PLEKHF2: variants seen among roughly 807,000 people sequenced by gnomAD.
PLEKHF2 encodes pleckstrin homology and FYVE domain containing 2, also known as pleckstrin homology domain-containing family F member 2.
A neutral mutation model predicts 14.7 loss-of-function variants in PLEKHF2; 4 were observed. The ratio of observed to expected loss-of-function variants is 0.27; its 90% confidence interval spans 0.13 to 0.62. The LOEUF (loss-of-function observed/expected upper bound fraction) is 0.62. Ranked by LOEUF, PLEKHF2 falls within the 20% of genes least tolerant of loss-of-function variation. PLEKHF2 has a pLI of 0.85. For synonymous variants in PLEKHF2, 90 were observed against 103.5 expected, an observed-to-expected ratio of 0.87 and a Z score of 0.79; for missense variants, 201 against 307.7, an observed-to-expected ratio of 0.65 and a Z score of 2.60.
chr8:95,152,415 C>A (rs73264571), intron 1 of PLEKHF2, among the ~76,000 whole-genome samples: 6,596 of 152,076 alleles, frequency 0.043, 232 homozygotes, highest in Middle Eastern at 0.12. Flanking sequence ...TTCCCTATAC[C>A]TTTATGAGTA....
intron 1 of PLEKHF2, among the ~76,000 whole-genome samples, chr8:95,148,508 A>G (rs1810524975): frequency 6.6e-6 from 1 of 152,102 alleles, no homozygotes. Context: ...AAACAGATTA[A>G]TGGATTAAAG....
intron 1 of PLEKHF2, among the ~76,000 whole-genome samples, chr8:95,148,021 T>C (rs1308099344): frequency 6.6e-6 from 1 of 151,872 alleles, no homozygotes; most frequent in Non-Finnish European, 1.5e-5. Context: ...TGAGTTTTTT[T>C]CAAACTCAAG....
chr8:95,155,007 TATATC>T lies in PLEKHF2; in HGVS notation c.*215_*219del, dbSNP rs150535406. ...TTCTACAGGGATAGGCTTTTGCAAA[TATATC>T]AGATAAATTTTTTGTTTCTTGTTTA... On this transcript the variant is annotated 3_prime_UTR_variant, in exon 2 of 2. Coordinates refer to ENST00000315367, the MANE Select transcript of PLEKHF2 (RefSeq NM_024613.4). 1,159 of 513,912 alleles carry T rather than the reference TATATC, an allele frequency of 2.3e-3. 14 individuals are homozygous for T. Among genetic ancestry groups the T allele is most frequent in the African/African-American group, 0.02 (1,068 of 52,414 alleles). 31.8% of individuals were successfully genotyped at this position (513,912 alleles called of 1,614,324 possible).
chr8:95,138,955 T>A (rs570110847), intron 1 of PLEKHF2, among the ~76,000 whole-genome samples: 43 of 152,368 alleles, frequency 2.8e-4, no homozygotes, highest in Admixed American at 4.6e-4. Context: ...TTCTAAAGCA[T>A]TTCTATTGCC....
chr8:95,142,531 G>A (rs2132106644), intron 1 of PLEKHF2, among the ~76,000 whole-genome samples: 1 of 152,302 alleles, frequency 6.6e-6, no homozygotes, highest in East Asian at 1.9e-4. Flanking sequence ...CTGGATTACA[G>A]GCTTGTGCCA....
At chr8:95,148,602 A>G (rs1166165091) in intron 1 of PLEKHF2, among the ~76,000 whole-genome samples, 1 of 152,078 alleles carries the variant, frequency 6.6e-6, no homozygotes, top group East Asian at 1.9e-4. Context: ...TACTAACAGC[A>G]TTAATGCAAG....
At chr8:95,138,963 G>A (rs78664716) in intron 1 of PLEKHF2, among the ~76,000 whole-genome samples, 364 of 152,212 alleles carry the variant, frequency 2.4e-3, no homozygotes, top group Non-Finnish European at 3.9e-3. Context: ...CATTTCTATT[G>A]CCAAAATGGC....
intron 1 of PLEKHF2, among the ~76,000 whole-genome samples, chr8:95,137,156 G>C (rs574692738): frequency 1.3e-5 from 2 of 152,342 alleles, no homozygotes; most frequent in East Asian, 3.8e-4. Flanking sequence ...CTTCACTTCT[G>C]TAAGCTTCAC....
rs562449470 is a variant in PLEKHF2, at chr8:95,149,296, A to G, written c.-14-4735A>G. 1.5e-4 allele frequency among the ~76,000 whole-genome samples: 23 copies of G among 152,216 alleles called. No individual in the cohort carries two copies. The South Asian group carries it at 4.6e-3, about 30-fold the overall frequency. The stretch of plus-strand genomic sequence containing the variant: ...TCAGTGAGGCCTTTTTGTACTACTC[A>G]GTCTAAATGAGTTTTCCCCTGTATC... On this transcript the variant is annotated intron_variant, in intron 1 of 1. Transcript: ENST00000315367.
chr8:95,147,927 A>G (rs1810516809), intron 1 of PLEKHF2, among the ~76,000 whole-genome samples: 1 of 152,030 alleles, frequency 6.6e-6, no homozygotes, highest in African/African-American at 2.4e-5. Flanking sequence ...ATAAATGCAA[A>G]GAAACAACAC....
chr8:95,149,429 G>T (rs527839182), intron 1 of PLEKHF2, among the ~76,000 whole-genome samples: 2 of 152,146 alleles, frequency 1.3e-5, no homozygotes, highest in African/African-American at 4.8e-5. Flanking sequence ...GAAGAAAAGC[G>T]TAATACCCAG....
At position 95,155,538 on chromosome 8, in the gene PLEKHF2, A is replaced by AAT. The variant is rs1810609454; in HGVS notation, c.*751_*752dup. On this transcript the variant is annotated 3_prime_UTR_variant, in exon 2 of 2. Transcript: ENST00000315367. ...TATAGGTCCCAAATTATAATTGTCA[A>AAT]ATATATATTTTAAATTAATAAAAGT... is the stretch of plus-strand genomic sequence containing the variant. The AAT allele has an allele frequency of 6.0e-6, 1 of 167,024 alleles. No individual in the cohort carries two copies. Among genetic ancestry groups the AAT allele is most frequent in the Non-Finnish European group, 1.5e-5 (1 of 68,092 alleles). 10.3% of individuals were successfully genotyped at this position (167,024 alleles called of 1,614,324 possible).
Position 95,154,407 on chromosome 8 carries a change from A to G in PLEKHF2, c.363A>G (p.Glu121=). 2 of 1,614,152 alleles carry G rather than the reference A, an allele frequency of 1.2e-6. No individual in the cohort carries two copies. The highest frequency in any genetic ancestry group is 3.3e-4 in the Middle Eastern group (2 of 6,062). ...CTGCCACTGCTACGGAGAAATCAGA[A>G]TGGATGAATCATATAAATAAATGTG... is the stretch of plus-strand genomic sequence containing the variant. ...VYAATATEKS[E]WMNHINKCVT... is the part of the protein sequence containing the mutation. The change falls in exon 2 of 2, where the codon GAA becomes GAG. Residue 121 remains glutamate (E), a synonymous_variant. Transcript: ENST00000315367. This position sits in a 1 kb window ranked among gnomAD's most constrained non-coding sequence, Gnocchi z 5.6.
chr8:95,135,852 C>CT (rs1221747508), intron 1 of PLEKHF2, among the ~76,000 whole-genome samples: 1 of 152,092 alleles, frequency 6.6e-6, no homozygotes, highest in Non-Finnish European at 1.5e-5. Context: ...CTCGTTTGCT[C>CT]TTATCACTGC....
intron 1 of PLEKHF2, among the ~76,000 whole-genome samples, chr8:95,146,917 A>G (rs1441742465): frequency 6.6e-6 from 1 of 152,100 alleles, no homozygotes; most frequent in Non-Finnish European, 1.5e-5. Context: ...AACAGTTTCA[A>G]CTAATTAGAA....
Position 95,154,601 on chromosome 8 carries a change from G to C in PLEKHF2, c.557G>C (p.Cys186Ser), listed in dbSNP as rs749430091. 1 of 1,614,116 alleles carries C rather than the reference G, an allele frequency of 6.2e-7. No homozygotes were observed. The highest frequency in any genetic ancestry group is 8.5e-7 in the Non-Finnish European group (1 of 1,180,010). ...RKCGFVVCGP[C>S]SEKRFLLPSQ... ...TGTGGTTTTGTTGTCTGTGGGCCCT[G>C]CTCTGAAAAGAGATTTCTTCTTCCC... Residue 186 changes from cysteine to serine, a missense_variant, in exon 2 of 2, where the codon TGC becomes TCC. Cys to Ser is a moderately radical substitution (Grantham distance 112, BLOSUM62 -1). Transcript: ENST00000315367. The surrounding 1 kb of genome is among the most constrained non-coding windows in gnomAD (Gnocchi z 5.6).
At chr8:95,142,247 T>C (rs915940615) in intron 1 of PLEKHF2, among the ~76,000 whole-genome samples, 1 of 152,158 alleles carries the variant, frequency 6.6e-6, no homozygotes. Context: ...TTTTCAGATA[T>C]TATTTAATTA....
chr8:95,145,649 C>T (rs926644989), intron 1 of PLEKHF2, among the ~76,000 whole-genome samples: 11 of 152,146 alleles, frequency 7.2e-5, no homozygotes, highest in Non-Finnish European at 1.5e-4. Flanking sequence ...TGGTCTCGAT[C>T]TCCTGACCTT....
At chr8:95,147,534 T>C (rs1321971798) in intron 1 of PLEKHF2, among the ~76,000 whole-genome samples, 2 of 152,052 alleles carry the variant, frequency 1.3e-5, no homozygotes, top group African/African-American at 2.4e-5. Context: ...TATGGTTTCA[T>C]TGGGCATTTA....
Sources: gnomAD v4.1 joint callset for allele counts (sites outside exome capture counted in the v4.1 genomes callset) on GRCh38, gnomAD v4.1.1 for gene constraint, Gnocchi (gnomAD v3.1) non-coding constraint, MANE v1.5 for transcripts, NCBI Gene and HGNC (gene_info 2026-07-23, HGNC 2026-07-21) for gene names.